The following TMOD3 variants were observed in gnomAD, a reference collection of about 807,000 sequenced individuals.
TMOD3 encodes the protein tropomodulin-3.
Under a neutral mutation model 39.2 loss-of-function variants are expected in TMOD3, and 20 were observed. The ratio of observed to expected loss-of-function variants is 0.51; its 90% confidence interval spans 0.36 to 0.74. TMOD3 has a LOEUF of 0.74. TMOD3 is among the 30% of genes least tolerant of loss of function. The pLI is 0.00. For synonymous variants in TMOD3, 143 were observed against 145.8 expected, an observed-to-expected ratio of 0.98 and a Z score of 0.14; for missense variants, 381 against 412.8, an observed-to-expected ratio of 0.92 and a Z score of 0.67.
intron 3 of TMOD3, among the ~76,000 whole-genome samples, chr15:51,879,990 A>AT (rs2141695596): frequency 6.6e-6 from 1 of 152,306 alleles, no homozygotes; most frequent in East Asian, 1.9e-4. Context: ...ACTAACCATT[A>AT]TAAGGGAGAT....
At chr15:51,886,211 C>T (rs1329772996) in intron 3 of TMOD3, among the ~76,000 whole-genome samples, 1 of 151,770 alleles carries the variant, frequency 6.6e-6, no homozygotes, top group African/African-American at 2.4e-5. Context: ...GGGCTCCTCA[C>T]ATCCCAGACG....
Position 51,902,086 on chromosome 15 carries a change from A to G in TMOD3, c.1024+50A>G, listed in dbSNP as rs762340548. 13 of 1,590,382 alleles carry G rather than the reference A, an allele frequency of 8.2e-6. No homozygotes were observed. In the African/African-American group the frequency reaches 1.6e-4, roughly 20 times the overall value. On this transcript the variant is annotated intron_variant, in intron 9 of 9. Coordinates refer to ENST00000308580, the MANE Select transcript of TMOD3 (RefSeq NM_014547.5). ...TCTGAGTTCTATCACAAGCTAACGT[A>G]TTGGGGGAACTTCTTTCCCTCTTAA... is the stretch of plus-strand genomic sequence containing the variant.
At chr15:51,901,850 A>G in intron 8 of TMOD3, 42 bp from the exon 9 acceptor site, 1 of 1,584,566 alleles carries the variant, frequency 6.3e-7, no homozygotes, top group Non-Finnish European at 8.6e-7. Context: ...AAGTATTTTG[A>G]TCTAGTTTAT....
rs11446467 is a variant in TMOD3, at chr15:51,910,741, C to CTT, written c.*1943_*1944dup. On this transcript the variant is annotated 3_prime_UTR_variant, in exon 10 of 10. Coordinates refer to ENST00000308580, the MANE Select transcript of TMOD3 (RefSeq NM_014547.5). ...CCCTCATAAGAACTGTGGTGTTTCT[C>CTT]TTTTTTTTTTTTTGTTTTGGTTTGT... 2.6e-3 allele frequency: 366 copies of CTT among 142,808 alleles called. 11 individuals carry two copies. The highest frequency in any genetic ancestry group is 0.011 in the East Asian group (52 of 4,892). 8.8% of individuals were successfully genotyped at this position (142,808 alleles called of 1,614,324 possible). A position where few individuals can be genotyped will look rare whatever the true frequency, so the allele number is the denominator to read the frequency against.
At chr15:51,863,814 T>C (rs2056431243) in intron 2 of TMOD3, among the ~76,000 whole-genome samples, 2 of 152,202 alleles carry the variant, frequency 1.3e-5, no homozygotes, top group Admixed American at 1.3e-4. Context: ...ATCTATACCA[T>C]AGATCAAATC....
At chr15:51,872,830 G>A (rs561933850) in intron 3 of TMOD3, among the ~76,000 whole-genome samples, 6 of 152,100 alleles carry the variant, frequency 3.9e-5, no homozygotes, top group South Asian at 2.1e-4. Flanking sequence ...GATGATTACC[G>A]AACAAGAGAT....
At chr15:51,905,977 A>AAAAAAAAAAAAAAG (rs2056678397) in intron 9 of TMOD3, among the ~76,000 whole-genome samples, 1 of 140,524 alleles carries the variant, frequency 7.1e-6, no homozygotes, top group African/African-American at 2.6e-5. Flanking sequence ...AAAAAAAAAA[A>AAAAAAAAAAAAAAG]AAAGAAATTG....
At chr15:51,905,821 G>C (rs544773995) in intron 9 of TMOD3, among the ~76,000 whole-genome samples, 19 of 151,588 alleles carry the variant, frequency 1.3e-4, no homozygotes. Flanking sequence ...GCGGGCGCCT[G>C]TAGTCCCAGC....
At chr15:51,845,253 T>C (rs1264103215) in intron 1 of TMOD3, among the ~76,000 whole-genome samples, 1 of 152,198 alleles carries the variant, frequency 6.6e-6, no homozygotes, top group Non-Finnish European at 1.5e-5. Context: ...AGGGAGGATC[T>C]GTGCTCAGTG....
intron 3 of TMOD3, among the ~76,000 whole-genome samples, chr15:51,882,803 C>T (rs890642009): frequency 1.3e-5 from 2 of 151,656 alleles, no homozygotes; most frequent in African/African-American, 4.8e-5. Context: ...TTAGGATCAG[C>T]TTGTCACTTT....
rs753917911 is a variant in TMOD3, at chr15:51,896,516, C to T, written c.725C>T (p.Pro242Leu). 2 of 1,612,486 alleles carry T rather than the reference C, an allele frequency of 1.2e-6. No individual in the cohort carries two copies. The highest frequency in any genetic ancestry group is 2.2e-5 in the East Asian group (1 of 44,870). Reference sequence around the variant, plus strand: ...CTTGCAGCCACCCGGAGCAATGACCCTGTTGCTACTGTAAGTAAGCGACTT... The same window carrying T: ...CTTGCAGCCACCCGGAGCAATGACCTTGTTGCTACTGTAAGTAAGCGACTT... Reference protein sequence around the residue: ...FSLAATRSNDPVATAFAEMLK... With the variant: ...FSLAATRSNDLVATAFAEMLK... Residue 242 changes from proline (P) to leucine (L), a missense_variant, in exon 7 of 10, where the codon CCT (proline) becomes CTT (leucine). Transcript: ENST00000308580.
intron 3 of TMOD3, among the ~76,000 whole-genome samples, chr15:51,879,977 C>A (rs1595903214): frequency 6.6e-6 from 1 of 151,764 alleles, no homozygotes; most frequent in South Asian, 2.1e-4. Flanking sequence ...GAGCACAAAC[C>A]AAACTAACCA....
rs111813783 is a variant in TMOD3 at position 51,839,163 on chromosome 15, C to CTTTT, written c.-75+9328_-75+9329insTTTT. 7.9e-4 allele frequency among the ~76,000 whole-genome samples: 87 copies of CTTTT among 109,836 alleles called. 12 individuals carry two copies. The highest frequency in any genetic ancestry group is 2.4e-3 in the Admixed American group (23 of 9,454). The allele number at this position is 109,836 out of a possible 152,430, so 72.1% of individuals were successfully genotyped here. ...TGACAGCTAAGAAATAGGTGTATCTCTCTTTTTTTTTTTTTCCATTTTGTT... is the reference window on the plus strand; with the variant it reads ...TGACAGCTAAGAAATAGGTGTATCTCTTTTTCTTTTTTTTTTTTTCCATTTTGTT... On this transcript the variant is annotated intron_variant, in intron 1 of 9. Coordinates refer to ENST00000308580, the MANE Select transcript of TMOD3 (RefSeq NM_014547.5).
chr15:51,882,355 A>C (rs1367540044), intron 3 of TMOD3, among the ~76,000 whole-genome samples: 2 of 151,712 alleles, frequency 1.3e-5, no homozygotes, highest in Admixed American at 6.6e-5. Flanking sequence ...CCTGACCAAC[A>C]TGGCAAAACC....
At chr15:51,900,579 C>T (rs2056645237) in intron 8 of TMOD3, among the ~76,000 whole-genome samples, 1 of 152,140 alleles carries the variant, frequency 6.6e-6, no homozygotes, top group African/African-American at 2.4e-5. Flanking sequence ...CCTAGTCCAC[C>T]TTCCAATTTT....
chr15:51,872,600 G>GTTTTTTT (rs58973705), intron 3 of TMOD3, among the ~76,000 whole-genome samples: 1 of 129,880 alleles, frequency 7.7e-6, no homozygotes, highest in Non-Finnish European at 1.6e-5. Context: ...GACCAAATTT[G>GTTTTTTT]TTTTTTTTTT....
At chr15:51,888,901 T>C (rs543751424) in intron 4 of TMOD3, among the ~76,000 whole-genome samples, 155 bp from the exon 5 acceptor site, 1 of 152,286 alleles carries the variant, frequency 6.6e-6, no homozygotes, top group Admixed American at 6.5e-5. Flanking sequence ...AATGAGATTA[T>C]AGGTGATTTT....
intron 2 of TMOD3, among the ~76,000 whole-genome samples, chr15:51,863,816 G>A (rs543447948): frequency 2.6e-5 from 4 of 152,240 alleles, no homozygotes; most frequent in Admixed American, 1.3e-4. Flanking sequence ...CTATACCATA[G>A]ATCAAATCCC....
chr15:51,905,232 T>G (rs1261355768), intron 9 of TMOD3, among the ~76,000 whole-genome samples: 1 of 152,204 alleles, frequency 6.6e-6, no homozygotes, highest in Non-Finnish European at 1.5e-5. Context: ...GTGCAGTGGC[T>G]CACGCCTGTA....
Sources: allele counts gnomAD v4.1 joint callset (sites outside exome capture counted in the v4.1 genomes callset), GRCh38; gene constraint gnomAD v4.1.1; transcripts MANE v1.5; gene names NCBI Gene and HGNC (gene_info 2026-07-23, HGNC 2026-07-21).